TLN2: variants seen among roughly 807,000 people sequenced by gnomAD.
TLN2 encodes the protein talin 2.
TLN2 carries 118 observed loss-of-function variants against 294.7 expected under a neutral mutation model. The ratio of observed to expected loss-of-function variants is 0.40; its 90% CI spans 0.34 to 0.47. The LOEUF is 0.47. TLN2 is among the 20% of genes least tolerant of loss of function. The pLI is 0.84. For missense variants in TLN2, 3,083 were observed against 3,282.2 expected (o/e 0.94, Z 1.48); for synonymous variants, 1,431 against 1,304.5 (o/e 1.10, Z -2.09).
chr15:62,781,227 A>G lies in TLN2; in HGVS notation c.5602A>G (p.Thr1868Ala). Residue 1868 changes from threonine (T) to alanine (A), a missense_variant, in exon 44 of 59, where the codon ACA (threonine) becomes GCA (alanine). By Grantham distance (58) the Thr-to-Ala change is moderately conservative. Transcript: ENST00000636159. ...TAAATACTCCAAAGCCATTGCGGTG[A>G]CAGCTCAGGAAATGGTAAGAGGGAA... ...VVKYSKAIAV[T>A]AQEMMTKSVT... 6.2e-7 allele frequency: 1 copy of G among 1,613,902 alleles called. No individual in the cohort carries two copies. Among genetic ancestry groups the G allele is most frequent in the Non-Finnish European group, 8.5e-7 (1 of 1,179,820 alleles).
At chr15:62,456,370 C>G (rs955439703) in intron 1 of TLN2, among the ~76,000 whole-genome samples, 1 of 152,200 alleles carries the variant, frequency 6.6e-6, no homozygotes, top group East Asian at 1.9e-4. Flanking sequence ...CTCAGCCGCA[C>G]GGAAGGTGGA....
chr15:62,436,066 C>G (rs377470777), intron 1 of TLN2, among the ~76,000 whole-genome samples: 29 of 152,308 alleles, frequency 1.9e-4, no homozygotes, highest in African/African-American at 7.0e-4. Flanking sequence ...TTCAAACTTA[C>G]GTCACAAACA....
chr15:62,739,652 G>A, intron 31 of TLN2, 107 bp downstream of exon 31: 1 of 1,361,118 alleles, frequency 7.3e-7, no homozygotes, highest in Non-Finnish European at 1.0e-6. Context: ...CTGGAAACAG[G>A]CAGGCCATGG....
chr15:62,532,317 G>A (rs778144957), intron 1 of TLN2, among the ~76,000 whole-genome samples: 2 of 151,926 alleles, frequency 1.3e-5, no homozygotes, highest in African/African-American at 2.4e-5. Context: ...GGCTAGTCTC[G>A]AACTCCTGGC....
Position 62,660,745 on chromosome 15 carries a change from A to G in TLN2, c.788+2847A>G, listed in dbSNP as rs113308975. 7.0e-4 allele frequency among the ~76,000 whole-genome samples: 107 copies of G among 152,314 alleles called. 1 individual carries two copies. The highest frequency in any genetic ancestry group is 6.0e-3 in the East Asian group (31 of 5,188). On this transcript the variant is annotated intron_variant, in intron 9 of 58. Coordinates refer to ENST00000636159, the MANE Select transcript of TLN2 (RefSeq NM_015059.3). ...TGGTGTTTTTCTTTAACTCATTGAG[A>G]ACTTGCAGATGTGTTTTATTGTGTC...
At chr15:62,578,304 C>T (rs778190354) in intron 1 of TLN2, among the ~76,000 whole-genome samples, 16 of 152,170 alleles carry the variant, frequency 1.1e-4, no homozygotes, top group South Asian at 4.2e-4. Context: ...TGGTGTCTCA[C>T]GCCTGTAATC....
chr15:62,727,757 A>G (rs190953051), intron 28 of TLN2, among the ~76,000 whole-genome samples: 18 of 152,332 alleles, frequency 1.2e-4, no homozygotes, highest in East Asian at 3.9e-4. Flanking sequence ...AAGTTATACA[A>G]TGAGGAAATG....
intron 2 of TLN2, among the ~76,000 whole-genome samples, chr15:62,609,890 A>G (rs960099304): frequency 6.6e-6 from 1 of 152,168 alleles, no homozygotes; most frequent in Non-Finnish European, 1.5e-5. Context: ...TTTATTCATC[A>G]AGCTATAATG....
intron 54 of TLN2, chr15:62,832,474 C>G (rs188892675): frequency 2.0e-5 from 3 of 152,312 alleles, no homozygotes; most frequent in Admixed American, 1.3e-4. Context: ...GATGCTCCAA[C>G]CCATGAGCCT....
chr15:62,733,709 T>C (rs1261943293), intron 28 of TLN2, among the ~76,000 whole-genome samples: 1 of 152,262 alleles, frequency 6.6e-6, no homozygotes, highest in Non-Finnish European at 1.5e-5. Flanking sequence ...TCACTTGATA[T>C]GCCTGTATAA....
intron 1 of TLN2, among the ~76,000 whole-genome samples, chr15:62,524,760 T>G (rs1408170028): frequency 6.6e-6 from 1 of 152,236 alleles, no homozygotes; most frequent in African/African-American, 2.4e-5. Context: ...ATATGCTTGC[T>G]TTTATTCATT....
chr15:62,700,889 C>T (rs931689768), intron 16 of TLN2, among the ~76,000 whole-genome samples: 3 of 152,148 alleles, frequency 2.0e-5, no homozygotes, highest in Non-Finnish European at 4.4e-5. Flanking sequence ...ACATAATTAA[C>T]ATAAGACACA....
chr15:62,421,907 G>A (rs2034423189), intron 1 of TLN2, among the ~76,000 whole-genome samples: 2 of 152,072 alleles, frequency 1.3e-5, no homozygotes, highest in Admixed American at 1.3e-4. Context: ...GCTGAGGGTA[G>A]CGTTAGGAGG....
chr15:62,717,445 A>C (rs1179166454), intron 23 of TLN2, 131 bp from the exon 24 acceptor site: 3 of 493,796 alleles, frequency 6.1e-6, no homozygotes, highest in Non-Finnish European at 1.0e-5. Context: ...ACTGGTTTTA[A>C]AAGGCAAAGC....
At chr15:62,520,705 T>G (rs965459778) in intron 1 of TLN2, among the ~76,000 whole-genome samples, 6 of 152,190 alleles carry the variant, frequency 3.9e-5, no homozygotes, top group Non-Finnish European at 5.9e-5. Context: ...AGCATCATAT[T>G]GCAGATTTAG....
chr15:62,441,613 C>T (rs1475682600), intron 1 of TLN2, among the ~76,000 whole-genome samples: 1 of 152,202 alleles, frequency 6.6e-6, no homozygotes, highest in Non-Finnish European at 1.5e-5. Context: ...ACTGGATGTC[C>T]TCTAATTTAA....
intron 1 of TLN2, among the ~76,000 whole-genome samples, chr15:62,418,380 T>C (rs1455848281): frequency 6.6e-6 from 1 of 152,216 alleles, no homozygotes; most frequent in East Asian, 1.9e-4. Flanking sequence ...CTTCTGATAA[T>C]TAAGAAAGGA....
At position 62,840,404 on chromosome 15, in the gene TLN2, G is replaced by A. The variant is rs878995821; in HGVS notation, c.7501-78G>A. 8 of 1,570,106 alleles carry A rather than the reference G, an allele frequency of 5.1e-6. No individual in the cohort carries two copies. The South Asian group carries it at 7.1e-5, about 14-fold the overall frequency. On this transcript the variant is annotated intron_variant, in intron 58 of 58. Coordinates refer to ENST00000636159, the MANE Select transcript of TLN2 (RefSeq NM_015059.3). Reference sequence around the variant, plus strand: ...GTCCCACGGTCGCGGGAGCCGTGGAGCTCACATGAGCAGTGGGGTGGGTCG... The same window carrying A: ...GTCCCACGGTCGCGGGAGCCGTGGAACTCACATGAGCAGTGGGGTGGGTCG...
Position 62,438,668 on chromosome 15 carries a change from A to G in TLN2, c.-238+47983A>G, listed in dbSNP as rs138151381. On this transcript the variant is annotated intron_variant, in intron 1 of 58. Transcript: ENST00000636159. ...CAAGCCTGAGAATAAGGATGAGCACAAGGCTACTGAGACCATATAAAACCC... is the reference window on the plus strand; with the variant it reads ...CAAGCCTGAGAATAAGGATGAGCACGAGGCTACTGAGACCATATAAAACCC... 4.0e-3 allele frequency among the ~76,000 whole-genome samples: 608 copies of G among 152,338 alleles called. 3 individuals are homozygous for G. Among genetic ancestry groups the G allele is most frequent in the African/African-American group, 0.014 (583 of 41,580 alleles).
Sources: allele counts gnomAD v4.1 joint callset (sites outside exome capture counted in the v4.1 genomes callset), GRCh38; gene constraint gnomAD v4.1.1; transcripts MANE v1.5; gene names NCBI Gene and HGNC (gene_info 2026-07-23, HGNC 2026-07-21).